B3GNT6: variants seen among roughly 807,000 people sequenced by gnomAD.
B3GNT6 encodes the protein acetylgalactosaminyl-O-glycosyl-glycoprotein beta-1,3-N-acetylglucosaminyltransferase.
For synonymous variants in B3GNT6, 300 were observed against 270.0 expected (o/e 1.11, Z -1.09); for missense variants, 624 against 568.6 (o/e 1.10, Z -0.99).
In B3GNT6 at chr11:77,040,318, C is replaced by T; in HGVS notation, c.767C>T (p.Pro256Leu). Residue 256 changes from proline to leucine, a missense_variant, in exon 2 of 2, where the codon CCC (proline) becomes CTC (leucine). Pro to Leu is a moderately conservative substitution (Grantham distance 98, BLOSUM62 -3). Transcript: ENST00000622824. ...FSGQLMEGSV[P>L]IRDSWSKYFV... ...GGCCAGCTCATGGAGGGCTCCGTGC[C>T]CATCCGCGACAGCTGGAGCAAGTAC... 6.4e-7 allele frequency: 1 copy of T among 1,571,836 alleles called. No individual in the cohort carries two copies. Among genetic ancestry groups the T allele is most frequent in the Non-Finnish European group, 8.6e-7 (1 of 1,166,910 alleles).
In B3GNT6 at chr11:77,039,808, C is replaced by T. The variant is rs1949667330; in HGVS notation, c.257C>T (p.Pro86Leu). 6.3e-7 allele frequency: 1 copy of T among 1,575,776 alleles called. No individual in the cohort carries two copies. The highest frequency in any genetic ancestry group is 8.6e-7 in the Non-Finnish European group (1 of 1,166,920). Reference protein sequence around the residue: ...ANATADFEQLPARIQDFLRYR... With the variant: ...ANATADFEQLLARIQDFLRYR... ...GCCACGGCCGACTTCGAGCAGCTGCCCGCGCGCATCCAGGACTTCCTGCGG... is the reference window on the plus strand; with the variant it reads ...GCCACGGCCGACTTCGAGCAGCTGCTCGCGCGCATCCAGGACTTCCTGCGG... The change falls in exon 2 of 2, where the codon CCC (proline) becomes CTC (leucine). Residue 86 changes from proline to leucine, a missense_variant. Physicochemically the swap from Pro to Leu is moderately conservative, Grantham distance 98. Transcript: ENST00000622824.
chr11:77,040,740 ACCATGT>A lies in B3GNT6; in HGVS notation c.*40_*45del. On this transcript the variant is annotated 3_prime_UTR_variant, in exon 2 of 2. Transcript: ENST00000622824. Reference sequence around the variant, plus strand: ...GGGCGGCTTCAGCCCCGGGCCTCCAACCATGTCCATGCTGAGAAGGCAGCTTTCCCG... The same window carrying A: ...GGGCGGCTTCAGCCCCGGGCCTCCAACCATGCTGAGAAGGCAGCTTTCCCG... 1 of 1,529,630 alleles carries A rather than the reference ACCATGT, an allele frequency of 6.5e-7. No individual in the cohort carries two copies. The allele number at this position is 1,529,630 out of a possible 1,614,324, so 94.8% of individuals were successfully genotyped here.
chr11:77,040,100 C>G lies in B3GNT6; in HGVS notation c.549C>G (p.Gly183=), dbSNP rs782742159. ...ELVALEAREH[G]DVLQWAFADT... ...TGGCGCTGGAGGCGCGCGAGCACGG[C>G]GACGTGCTGCAGTGGGCCTTCGCGG... The change falls in exon 2 of 2, where the codon GGC becomes GGG. Residue 183 remains glycine (G), a synonymous_variant. Transcript: ENST00000622824. 1.4e-5 allele frequency: 23 copies of G among 1,594,644 alleles called. No homozygotes were observed. The highest frequency in any genetic ancestry group is 1.2e-4 in the South Asian group (11 of 90,616).
In B3GNT6 at chr11:77,041,431, G is replaced by A. The variant is rs926609440; in HGVS notation, c.*725G>A. ...ACACTCACCCCAACCAAAGCTAATG[G>A]CCTAGTTGGGTCCTGCCCGCCAATA... On this transcript the variant is annotated 3_prime_UTR_variant, in exon 2 of 2. Transcript: ENST00000622824. 1.3e-4 allele frequency: 20 copies of A among 152,472 alleles called. No individual in the cohort carries two copies. The highest frequency in any genetic ancestry group is 2.9e-4 in the Non-Finnish European group (20 of 68,282). 9.4% of individuals were successfully genotyped at this position (152,472 alleles called of 1,614,324 possible).
At position 77,039,965 on chromosome 11, in the gene B3GNT6, C is replaced by G. The variant is rs1479402210; in HGVS notation, c.414C>G (p.Arg138=). 2 of 1,590,324 alleles carry G rather than the reference C, an allele frequency of 1.3e-6. No individual in the cohort carries two copies. Among genetic ancestry groups the G allele is most frequent in the Admixed American group, 3.4e-5 (2 of 59,218 alleles). Residue 138 remains arginine, a synonymous_variant, in exon 2 of 2, where the codon CGC becomes CGG. Transcript: ENST00000622824. Reference sequence around the variant, plus strand: ...ACGAGCGACGCGAGCTCATCCGGCGCACGTGGGGGCAAGAGCGCAGCTACG... The same window carrying G: ...ACGAGCGACGCGAGCTCATCCGGCGGACGTGGGGGCAAGAGCGCAGCTACG... ...EHYERRELIR[R]TWGQERSYGG...
At position 77,040,370 on chromosome 11, in the gene B3GNT6, GTCCGCT is replaced by G. The variant is rs1555027717; in HGVS notation, c.821_826del (p.Ser274_Ala275del). The G allele has an allele frequency of 6.5e-7, 1 of 1,537,204 alleles. No individual in the cohort carries two copies. Among genetic ancestry groups the G allele is most frequent in the East Asian group, 2.4e-5 (1 of 40,878 alleles). ...TCGTGCCGCCGCAGCTCTTCCCCGG[GTCCGCT>G]TACCCGGTGTACTGCAGCGGCGGCG... On this transcript the variant is annotated inframe_deletion, in exon 2 of 2. Coordinates refer to ENST00000622824, the MANE Select transcript of B3GNT6 (RefSeq NM_138706.5).
Position 77,040,090 on chromosome 11 carries a change from G to T in B3GNT6, c.539G>T (p.Arg180Leu), listed in dbSNP as rs782801801. ...RLAELVALEAREHGDVLQWAF... is the reference protein window; with the variant it reads ...RLAELVALEALEHGDVLQWAF... Reference sequence around the variant, plus strand: ...GCGGAGCTGGTGGCGCTGGAGGCGCGCGAGCACGGCGACGTGCTGCAGTGG... The same window carrying T: ...GCGGAGCTGGTGGCGCTGGAGGCGCTCGAGCACGGCGACGTGCTGCAGTGG... The change falls in exon 2 of 2, where the codon CGC (arginine) becomes CTC (leucine). Residue 180 changes from arginine (R) to leucine (L), a missense_variant. Physicochemically the swap from Arg to Leu is moderately radical, Grantham distance 102. Coordinates refer to ENST00000622824, the MANE Select transcript of B3GNT6 (RefSeq NM_138706.5). The T allele has an allele frequency of 1.9e-6, 3 of 1,591,366 alleles. No homozygotes were observed. Among genetic ancestry groups the T allele is most frequent in the South Asian group, 2.2e-5 (2 of 90,084 alleles).
rs782549400 is a variant in B3GNT6, at chr11:77,039,900, G to A, written c.349G>A (p.Val117Met). Reference sequence around the variant, plus strand: ...GGCCAAGTGCGCCGGCGGCCGAGGCGTGTTCCTGCTCCTGGCGGTGAAGTC... The same window carrying A: ...GGCCAAGTGCGCCGGCGGCCGAGGCATGTTCCTGCTCCTGGCGGTGAAGTC... Reference protein sequence around the residue: ...APAKCAGGRGVFLLLAVKSAP... With the variant: ...APAKCAGGRGMFLLLAVKSAP... The change falls in exon 2 of 2, where the codon GTG becomes ATG. Residue 117 changes from valine to methionine, a missense_variant. Physicochemically the swap from Val to Met is conservative, Grantham distance 21. Coordinates refer to ENST00000622824, the MANE Select transcript of B3GNT6 (RefSeq NM_138706.5). 14 of 1,592,036 alleles carry A rather than the reference G, an allele frequency of 8.8e-6. No individual in the cohort carries two copies. Among genetic ancestry groups the A allele is most frequent in the Non-Finnish European group, 1.1e-5 (13 of 1,176,660 alleles).
chr11:77,038,927 G>A (rs1312303836), intron 1 of B3GNT6, among the ~76,000 whole-genome samples: 2 of 152,138 alleles, frequency 1.3e-5, no homozygotes, highest in African/African-American at 2.4e-5. Context: ...CTAACCCTTC[G>A]TCACAGATGA....
intron 1 of B3GNT6, among the ~76,000 whole-genome samples, chr11:77,035,913 G>GGC (rs1356673271): frequency 6.6e-6 from 1 of 152,178 alleles, no homozygotes; most frequent in East Asian, 1.9e-4. Context: ...ACATTAAGAA[G>GGC]ATTATTTTTC....
Position 77,040,553 on chromosome 11 carries a change from G to T in B3GNT6, c.1002G>T (p.Val334=), listed in dbSNP as rs781875528. The change falls in exon 2 of 2, where the codon GTG becomes GTT. Residue 334 remains valine (V), a synonymous_variant. Transcript: ENST00000622824. ...ACGAGGGCATCCGACCCTTCGGCGT[G>T]CAGCTGCCTGGCGCACAGCAGTCCT... ...SGHEGIRPFG[V]QLPGAQQSSF... 6.3e-7 allele frequency: 1 copy of T among 1,580,886 alleles called. No homozygotes were observed. The highest frequency in any genetic ancestry group is 8.5e-7 in the Non-Finnish European group (1 of 1,170,948).
Position 77,041,270 on chromosome 11 carries a change from C to A in B3GNT6, c.*564C>A, listed in dbSNP as rs1257801464. The A allele has an allele frequency of 6.5e-6, 1 of 152,868 alleles. No homozygotes were observed. The highest frequency in any genetic ancestry group is 2.4e-5 in the African/African-American group (1 of 41,478). 9.5% of individuals were successfully genotyped at this position (152,868 alleles called of 1,614,324 possible). A position where few individuals can be genotyped will look rare whatever the true frequency, so the allele number is the denominator to read the frequency against. On this transcript the variant is annotated 3_prime_UTR_variant, in exon 2 of 2. Transcript: ENST00000622824. ...ACGCAGCTGAGGCGCATGTGGTGGC[C>A]TTCTTCCCACCACTACCCCAGTACA...
In B3GNT6 at chr11:77,040,403, C is replaced by T; in HGVS notation, c.852C>T (p.Gly284=). 6.5e-7 allele frequency: 1 copy of T among 1,531,542 alleles called. No homozygotes were observed. Among genetic ancestry groups the T allele is most frequent in the Non-Finnish European group, 8.7e-7 (1 of 1,144,708 alleles). The allele number at this position is 1,531,542 out of a possible 1,614,324, so 94.9% of individuals were successfully genotyped here. The change falls in exon 2 of 2, where the codon GGC becomes GGT. Residue 284 remains glycine, a synonymous_variant. Transcript: ENST00000622824. ...SAYPVYCSGG[G]FLLSGPTARA... ...ACCCGGTGTACTGCAGCGGCGGCGGCTTCCTCCTGTCCGGCCCCACGGCCC... is the reference window on the plus strand; with the variant it reads ...ACCCGGTGTACTGCAGCGGCGGCGGTTTCCTCCTGTCCGGCCCCACGGCCC...
intron 1 of B3GNT6, among the ~76,000 whole-genome samples, chr11:77,039,329 G>A (rs1555027339): frequency 6.6e-6 from 1 of 152,154 alleles, no homozygotes; most frequent in African/African-American, 2.4e-5. Flanking sequence ...GTTGTCAGGA[G>A]GCAAAGAGAG....
In B3GNT6 at chr11:77,040,327, A is replaced by T; in HGVS notation, c.776A>T (p.Asp259Val). The T allele has an allele frequency of 6.4e-7, 1 of 1,565,282 alleles. No homozygotes were observed. The highest frequency in any genetic ancestry group is 1.2e-5 in the South Asian group (1 of 86,624). ...QLMEGSVPIRDSWSKYFVPPQ... is the reference protein window; with the variant it reads ...QLMEGSVPIRVSWSKYFVPPQ... ...ATGGAGGGCTCCGTGCCCATCCGCG[A>T]CAGCTGGAGCAAGTACTTCGTGCCG... is the stretch of plus-strand genomic sequence containing the variant. Residue 259 changes from aspartate (D) to valine (V), a missense_variant, in exon 2 of 2, where the codon GAC (aspartate) becomes GTC (valine). Coordinates refer to ENST00000622824, the MANE Select transcript of B3GNT6 (RefSeq NM_138706.5).
chr11:77,038,531 G>A (rs1949657600), intron 1 of B3GNT6, among the ~76,000 whole-genome samples: 2 of 152,004 alleles, frequency 1.3e-5, no homozygotes, highest in African/African-American at 4.8e-5. Context: ...AGTCATGATG[G>A]TGTCACTGCA....
rs781856210 is a variant in B3GNT6, at chr11:77,037,940, AAAG to A, written c.1-1592_1-1590del. On this transcript the variant is annotated intron_variant, in intron 1 of 1. Coordinates refer to ENST00000622824, the MANE Select transcript of B3GNT6 (RefSeq NM_138706.5). ...AAAAAAAGAAGAAGGAGAAAGGAAG[AAAG>A]AAGAAGAAGAAGAAGAAGAGGAGGG... Among the ~76,000 whole-genome samples, 18 of 60,386 alleles carry A rather than the reference AAAG, an allele frequency of 3.0e-4. 2 individuals carry two copies. The East Asian group carries it at 7.6e-3, about 25-fold the overall frequency. The allele number at this position is 60,386 out of a possible 152,430, so 39.6% of individuals were successfully genotyped here.
chr11:77,037,215 G>A (rs995827804), intron 1 of B3GNT6: 1 of 152,274 alleles, frequency 6.6e-6, no homozygotes, highest in African/African-American at 2.4e-5. Flanking sequence ...AAGATGGTGT[G>A]TAGAGACACC....
chr11:77,035,205 G>C (rs1275058609), intron 1 of B3GNT6, among the ~76,000 whole-genome samples: 1 of 152,204 alleles, frequency 6.6e-6, no homozygotes, highest in Non-Finnish European at 1.5e-5. Context: ...GCAATAAACA[G>C]AGTGAGAAAT....
Sources: gnomAD v4.1 joint callset for allele counts (sites outside exome capture counted in the v4.1 genomes callset) on GRCh38, gnomAD v4.1.1 for gene constraint, MANE v1.5 for transcripts, NCBI Gene and HGNC (gene_info 2026-07-23, HGNC 2026-07-21) for gene names.